DLC1: variants seen among roughly 807,000 people sequenced by gnomAD.
DLC1 encodes rho GTPase-activating protein 7.
Under a neutral mutation model 140.3 loss-of-function variants are expected in DLC1, and 54 were observed. The ratio of observed to expected loss-of-function variants is 0.38; its 90% CI spans 0.31 to 0.48. The LOEUF (loss-of-function observed/expected upper bound fraction) is 0.48, where lower values mean the gene tolerates loss of function less well. Among genes scored for constraint, DLC1 ranks in the 20% least tolerant of loss-of-function variants. DLC1 has a pLI of 0.96. For synonymous variants in DLC1, 986 were observed against 728.1 expected, an observed-to-expected ratio of 1.35 and a Z score of -5.70; for missense variants, 2,536 against 1,907.0, an observed-to-expected ratio of 1.33 and a Z score of -6.14.
At chr8:13,095,370 T>C (rs1444002867) in intron 10 of DLC1, 125 bp from the exon 11 acceptor site, 1 of 1,223,868 alleles carries the variant, frequency 8.2e-7, no homozygotes, top group Non-Finnish European at 1.1e-6. Context: ...GCTACTTAAA[T>C]TTAAATTAAA....
intron 5 of DLC1, among the ~76,000 whole-genome samples, chr8:13,277,361 C>T (rs895228854): frequency 2.0e-5 from 3 of 152,164 alleles, no homozygotes; most frequent in East Asian, 1.9e-4. Flanking sequence ...AAACAAAATA[C>T]TGATCAGCTC....
At chr8:13,169,660 A>G (rs992287395) in intron 5 of DLC1, among the ~76,000 whole-genome samples, 3 of 152,186 alleles carry the variant, frequency 2.0e-5, no homozygotes, top group African/African-American at 4.8e-5. Context: ...GGTGGTCTAA[A>G]TCAGGACTTT....
chr8:13,544,514 C>G (rs1056110939), intron 1 of DLC1, among the ~76,000 whole-genome samples: 1 of 152,018 alleles, frequency 6.6e-6, no homozygotes, highest in South Asian at 2.1e-4. Flanking sequence ...GATCTGAGAG[C>G]CTACAGCGTG....
At chr8:13,553,255 T>C (rs1217027446) in intron 1 of DLC1, among the ~76,000 whole-genome samples, 3 of 135,554 alleles carry the variant, frequency 2.2e-5, no homozygotes, top group Admixed American at 1.5e-4. Flanking sequence ...TATATATGTA[T>C]CACCTTTCTT....
chr8:13,287,351 CT>C (rs1361885961), intron 5 of DLC1, among the ~76,000 whole-genome samples: 1 of 152,106 alleles, frequency 6.6e-6, no homozygotes, highest in Non-Finnish European at 1.5e-5. Context: ...ATAAAAAAAT[CT>C]TTGGCTTCTA....
At chr8:13,255,598 A>C (rs1830189068) in intron 5 of DLC1, among the ~76,000 whole-genome samples, 1 of 152,242 alleles carries the variant, frequency 6.6e-6, no homozygotes, top group Admixed American at 6.5e-5. Flanking sequence ...TTAGCCAAGC[A>C]AGATGACTCT....
intron 1 of DLC1, among the ~76,000 whole-genome samples, chr8:13,575,647 G>A (rs1804812862): frequency 6.6e-6 from 1 of 152,054 alleles, no homozygotes; most frequent in Non-Finnish European, 1.5e-5. Flanking sequence ...CTTGACTGAC[G>A]ACTGAAATAC....
chr8:13,122,730 T>C (rs2128956387), intron 5 of DLC1, among the ~76,000 whole-genome samples: 1 of 151,682 alleles, frequency 6.6e-6, no homozygotes, highest in African/African-American at 2.4e-5. Flanking sequence ...AGTAAAGATT[T>C]TCACCAGCAA....
In DLC1 at chr8:13,086,298, A is replaced by T; in HGVS notation, c.4458T>A (p.Val1486=). 1.9e-5 allele frequency: 31 copies of T among 1,613,934 alleles called. No individual in the cohort carries two copies. The highest frequency in any genetic ancestry group is 2.5e-5 in the Non-Finnish European group (29 of 1,179,932). Residue 1486 remains valine (V), a synonymous_variant, in exon 17 of 18, where the codon GTT becomes GTA. Transcript: ENST00000276297. ...GKSKLTYMCR[V]DLRGHMPEWY... ...TCAGAATCAGAACATACCTTAAGTC[A>T]ACTCTGCACATGTAGGTGAGTTTGG...
intron 1 of DLC1, among the ~76,000 whole-genome samples, chr8:13,548,380 A>G (rs944275709): frequency 4.0e-5 from 6 of 149,934 alleles, no homozygotes; most frequent in Admixed American, 2.0e-4. Context: ...TACACACCCC[A>G]GTATTAAATT....
In DLC1 at chr8:13,160,925, TA is replaced by T. The variant is rs1318833350; in HGVS notation, c.1349-45269del. Among the ~76,000 whole-genome samples the T allele has an allele frequency of 3.3e-5, 5 of 152,094 alleles. No homozygotes were observed. The South Asian group carries it at 8.3e-4, about 25-fold the overall frequency. ...TGAAACCCCGTCTCTACTAAAAATA[TA>T]AAAAATTAGCCAGGTGTGGTGGCGG... is the stretch of plus-strand genomic sequence containing the variant. On this transcript the variant is annotated intron_variant, in intron 5 of 17. Transcript: ENST00000276297.
chr8:13,394,556 GA>G (rs1836929170), intron 3 of DLC1, among the ~76,000 whole-genome samples: 1 of 152,164 alleles, frequency 6.6e-6, no homozygotes, highest in Non-Finnish European at 1.5e-5. Context: ...GGAAAGGTGG[GA>G]GGGGGAAATT....
chr8:13,485,318 A>G (rs1410851753), intron 2 of DLC1, among the ~76,000 whole-genome samples: 1 of 152,192 alleles, frequency 6.6e-6, no homozygotes, highest in Non-Finnish European at 1.5e-5. Flanking sequence ...TAAACAAACA[A>G]TAGGCTTAAA....
chr8:13,132,991 A>AGGC, intron 5 of DLC1: 24 of 1,609,732 alleles, frequency 1.5e-5, no homozygotes, highest in Non-Finnish European at 2.0e-5. Flanking sequence ...CAAGCACGGC[A>AGGC]GGCGGCGGCG....
At chr8:13,112,335 G>C (rs1820184953) in intron 6 of DLC1, among the ~76,000 whole-genome samples, 1 of 152,096 alleles carries the variant, frequency 6.6e-6, no homozygotes, top group African/African-American at 2.4e-5. Flanking sequence ...TTTATGGAAT[G>C]ATATGGAATT....
chr8:13,477,646 G>C (rs1404950648), intron 2 of DLC1, among the ~76,000 whole-genome samples: 1 of 152,170 alleles, frequency 6.6e-6, no homozygotes, highest in African/African-American at 2.4e-5. Flanking sequence ...GCTTGTATAA[G>C]AGAGAATACT....
intron 10 of DLC1, 93 bp downstream of exon 10, chr8:13,098,306 G>C: frequency 7.1e-7 from 1 of 1,418,036 alleles, no homozygotes; most frequent in Non-Finnish European, 9.7e-7. Flanking sequence ...TAATAAAGGA[G>C]AGAAGTGTCA....
chr8:13,529,161 T>G (rs1803016207), intron 1 of DLC1, among the ~76,000 whole-genome samples: 1 of 152,150 alleles, frequency 6.6e-6, no homozygotes, highest in Admixed American at 6.6e-5. Context: ...CCAAATAGTT[T>G]TATTACCATT....
At chr8:13,598,494 C>G (rs1158057582) in intron 1 of DLC1, among the ~76,000 whole-genome samples, 4 of 152,040 alleles carry the variant, frequency 2.6e-5, no homozygotes, top group Non-Finnish European at 1.5e-5. Flanking sequence ...ATAAATGATT[C>G]TTTATGTCCC....
Sources: gnomAD v4.1 joint callset for allele counts (sites outside exome capture counted in the v4.1 genomes callset) on GRCh38, gnomAD v4.1.1 for gene constraint, MANE v1.5 for transcripts, NCBI Gene and HGNC (gene_info 2026-07-23, HGNC 2026-07-21) for gene names.